The following IMMP2L variants were observed in gnomAD, a reference collection of about 807,000 sequenced individuals.
The protein encoded by IMMP2L is inner mitochondrial membrane peptidase subunit 2.
IMMP2L carries 18 observed loss-of-function variants against 19.3 expected under a neutral mutation model. That is an observed-to-expected ratio of 0.93 (90% CI 0.64 to 1.38). IMMP2L has a LOEUF of 1.38. Among genes scored for constraint, IMMP2L ranks in the 40% most tolerant of loss-of-function variants. IMMP2L has a pLI of 0.00. For missense variants in IMMP2L, 233 were observed against 218.2 expected, an observed-to-expected ratio of 1.07 and a Z score of -0.43; for synonymous variants, 76 against 73.0, an observed-to-expected ratio of 1.04 and a Z score of -0.21.
chr7:111,137,364 G>C (rs375511560), intron 3 of IMMP2L, among the ~76,000 whole-genome samples: 1 of 152,070 alleles, frequency 6.6e-6, no homozygotes, highest in East Asian at 1.9e-4. Flanking sequence ...ATCAGTGTTA[G>C]TTGGTAATTA....
intron 3 of IMMP2L, among the ~76,000 whole-genome samples, chr7:111,269,719 G>C (rs918936280): frequency 6.6e-6 from 1 of 151,862 alleles, no homozygotes; most frequent in Non-Finnish European, 1.5e-5. Context: ...TCAAAATATG[G>C]AATTATGTGT....
At chr7:111,113,404 T>C (rs998846830) in intron 3 of IMMP2L, among the ~76,000 whole-genome samples, 2 of 152,150 alleles carry the variant, frequency 1.3e-5, no homozygotes, top group Non-Finnish European at 2.9e-5. Flanking sequence ...TTTGTATACA[T>C]GTCTATCATG....
At chr7:110,955,160 T>G (rs774201726) in intron 4 of IMMP2L, among the ~76,000 whole-genome samples, 5 of 151,964 alleles carry the variant, frequency 3.3e-5, no homozygotes, top group African/African-American at 1.2e-4. Flanking sequence ...TAGAAACAAA[T>G]ACCTATTGCT....
intron 3 of IMMP2L, among the ~76,000 whole-genome samples, chr7:111,198,586 T>C (rs1326368938): frequency 6.6e-6 from 1 of 152,166 alleles, no homozygotes; most frequent in Non-Finnish European, 1.5e-5. Flanking sequence ...CCATAACTAT[T>C]CCCTAAACAC....
At chr7:111,308,385 A>T (rs1463824815) in intron 3 of IMMP2L, among the ~76,000 whole-genome samples, 1 of 151,980 alleles carries the variant, frequency 6.6e-6, no homozygotes, top group African/African-American at 2.4e-5. Context: ...TGATGTAGGA[A>T]TCTGGAGATT....
intron 5 of IMMP2L, among the ~76,000 whole-genome samples, chr7:110,820,330 A>G (rs1325157636): frequency 6.6e-6 from 1 of 152,058 alleles, no homozygotes; most frequent in East Asian, 1.9e-4. Flanking sequence ...CAATAACTTT[A>G]CCCTGAGATC....
At chr7:110,872,047 A>G (rs545157541) in intron 5 of IMMP2L, among the ~76,000 whole-genome samples, 25 of 152,262 alleles carry the variant, frequency 1.6e-4, no homozygotes, top group African/African-American at 5.8e-4. Flanking sequence ...GGCTCCAAAC[A>G]CCAATCTCCT....
At chr7:110,854,888 C>T (rs1396498669) in intron 5 of IMMP2L, among the ~76,000 whole-genome samples, 1 of 151,774 alleles carries the variant, frequency 6.6e-6, no homozygotes, top group African/African-American at 2.4e-5. Flanking sequence ...TAATATACAG[C>T]AAGTATAAAG....
At chr7:110,994,908 G>C (rs1269712931) in intron 3 of IMMP2L, among the ~76,000 whole-genome samples, 3 of 152,070 alleles carry the variant, frequency 2.0e-5, no homozygotes, top group African/African-American at 4.8e-5. Context: ...TACACAGAAA[G>C]GAACATGGTG....
intron 3 of IMMP2L, among the ~76,000 whole-genome samples, chr7:111,380,510 T>G (rs541268069): frequency 6.6e-6 from 1 of 152,122 alleles, no homozygotes; most frequent in East Asian, 1.9e-4. Flanking sequence ...CCCTTGAAAT[T>G]TAACTTCTTG....
At chr7:110,748,753 A>G (rs1797530240) in intron 5 of IMMP2L, among the ~76,000 whole-genome samples, 1 of 152,332 alleles carries the variant, frequency 6.6e-6, no homozygotes, top group African/African-American at 2.4e-5. Context: ...TTAACTCAAG[A>G]TGGATTAAAG....
At chr7:110,843,207 T>G (rs1459465790) in intron 5 of IMMP2L, among the ~76,000 whole-genome samples, 2 of 152,192 alleles carry the variant, frequency 1.3e-5, no homozygotes, top group Non-Finnish European at 2.9e-5. Flanking sequence ...TTAAGATGTT[T>G]TAATAACTGC....
chr7:111,264,830 A>G (rs2129955415), intron 3 of IMMP2L, among the ~76,000 whole-genome samples: 1 of 152,044 alleles, frequency 6.6e-6, no homozygotes, highest in South Asian at 2.1e-4. Context: ...ATCTCCCAGA[A>G]GTGAAGTTTT....
intron 3 of IMMP2L, among the ~76,000 whole-genome samples, chr7:111,368,785 T>C (rs943311758): frequency 2.6e-5 from 4 of 151,988 alleles, no homozygotes; most frequent in Non-Finnish European, 5.9e-5. Context: ...AGCAGTTCTT[T>C]GGGTGACTTT....
intron 5 of IMMP2L, among the ~76,000 whole-genome samples, chr7:110,667,505 A>G (rs182915733): frequency 2.5e-4 from 38 of 152,310 alleles, no homozygotes; most frequent in Non-Finnish European, 4.3e-4. Flanking sequence ...CTATTATTTT[A>G]TGGGCCTGAA....
chr7:111,533,400 A>G (rs890340856), intron 1 of IMMP2L, among the ~76,000 whole-genome samples: 1 of 152,190 alleles, frequency 6.6e-6, no homozygotes, highest in Non-Finnish European at 1.5e-5. Flanking sequence ...CTTAAGAGAA[A>G]CACTGAATCA....
intron 5 of IMMP2L, among the ~76,000 whole-genome samples, chr7:110,754,254 A>G (rs543278444): frequency 2.0e-5 from 3 of 152,076 alleles, no homozygotes; most frequent in Non-Finnish European, 4.4e-5. Flanking sequence ...TATTGTAAAA[A>G]TAATGATGTC....
chr7:111,177,186 T>C (rs148918631), intron 3 of IMMP2L, among the ~76,000 whole-genome samples: 133 of 152,208 alleles, frequency 8.7e-4, no homozygotes, highest in African/African-American at 3.1e-3. Context: ...TTCATTTTTG[T>C]TTTTATTTTT....
chr7:110,853,505 C>T (rs546181910), intron 5 of IMMP2L, among the ~76,000 whole-genome samples: 50 of 152,040 alleles, frequency 3.3e-4, no homozygotes, highest in Non-Finnish European at 6.5e-4. Context: ...TCAGACAGTA[C>T]AGGCTGGTTT....
Sources: allele counts gnomAD v4.1 joint callset (sites outside exome capture counted in the v4.1 genomes callset), GRCh38; gene constraint gnomAD v4.1.1; transcripts MANE v1.5; gene names NCBI Gene and HGNC (gene_info 2026-07-23, HGNC 2026-07-21).